The following CTNNA2 variants were observed in gnomAD, a reference collection of about 807,000 sequenced individuals.
CTNNA2 encodes catenin alpha 2, also known as catenin alpha-2.
Under a neutral mutation model 101.0 loss-of-function variants are expected in CTNNA2, and 42 were observed. The observed-to-expected ratio is 0.42, with a 90% confidence interval of 0.32 to 0.54. The LOEUF is 0.54. Among genes scored for constraint, CTNNA2 ranks in the 20% least tolerant of loss-of-function variants. CTNNA2 has a pLI of 0.14. For synonymous variants in CTNNA2, 450 were observed against 456.4 expected, an observed-to-expected ratio of 0.99 and a Z score of 0.18; for missense variants, 871 against 1,223.1, an observed-to-expected ratio of 0.71 and a Z score of 4.29.
rs980438443 is a variant in CTNNA2, at chr2:79,813,824, A to G, written c.299-44189A>G. On this transcript the variant is annotated intron_variant, in intron 3 of 18. Coordinates refer to ENST00000402739, the MANE Select transcript of CTNNA2 (RefSeq NM_001282597.3). ...TTAGTTTCCTAGAGTTTGCATGACA[A>G]TGATATAAATGGGATACTTTAAAAC... Among the ~76,000 whole-genome samples, 7 of 152,312 alleles carry G rather than the reference A, an allele frequency of 4.6e-5. 1 individual carries two copies. The highest frequency in any genetic ancestry group is 6.8e-3 in the Middle Eastern group (2 of 294).
chr2:80,129,753 T>A (rs1353313504), intron 7 of CTNNA2, among the ~76,000 whole-genome samples: 1 of 152,158 alleles, frequency 6.6e-6, no homozygotes, highest in Non-Finnish European at 1.5e-5. Flanking sequence ...AAATCACTTG[T>A]TCTGATCCAC....
chr2:79,188,668 T>C (rs1279146761), intron 1 of CTNNA2, among the ~76,000 whole-genome samples: 4 of 152,092 alleles, frequency 2.6e-5, no homozygotes, highest in African/African-American at 9.7e-5. Context: ...AGAGGACAGG[T>C]TGAATTCACA....
intron 2 of CTNNA2, among the ~76,000 whole-genome samples, chr2:79,231,242 G>A (rs1674488061): frequency 6.6e-6 from 1 of 152,168 alleles, no homozygotes; most frequent in Admixed American, 6.5e-5. Flanking sequence ...CACAAGTTGT[G>A]GGAGAGACCC....
At chr2:79,689,083 C>G (rs899066748) in intron 2 of CTNNA2, among the ~76,000 whole-genome samples, 6 of 151,252 alleles carry the variant, frequency 4.0e-5, no homozygotes, top group African/African-American at 1.5e-4. Context: ...AAGACATCAT[C>G]CCAAATACAA....
chr2:79,375,791 G>T (rs1346623303), intron 4 of CTNNA2, among the ~76,000 whole-genome samples: 2 of 152,126 alleles, frequency 1.3e-5, no homozygotes, highest in Admixed American at 6.6e-5. Context: ...ACATGCCGGT[G>T]CAAAGCCTAC....
intron 4 of CTNNA2, among the ~76,000 whole-genome samples, chr2:79,392,441 C>T (rs534774506): frequency 1.2e-4 from 19 of 152,190 alleles, no homozygotes; most frequent in African/African-American, 3.6e-4. Context: ...CTCTGAAATC[C>T]ATGGTTACTA....
At chr2:80,004,908 G>C (rs10195985) in intron 7 of CTNNA2, among the ~76,000 whole-genome samples, 1,756 of 152,170 alleles carry the variant, frequency 0.012, 33 homozygotes, top group African/African-American at 0.04. Context: ...TCACCATGTT[G>C]GCCAGGCTGG....
At chr2:80,341,541 A>G (rs1672247050) in intron 7 of CTNNA2, among the ~76,000 whole-genome samples, 1 of 152,216 alleles carries the variant, frequency 6.6e-6, no homozygotes, top group African/African-American at 2.4e-5. Flanking sequence ...GGGAAATGCA[A>G]ATCAAAACCA....
intron 7 of CTNNA2, among the ~76,000 whole-genome samples, chr2:80,052,336 C>T (rs1419930643): frequency 6.6e-6 from 1 of 152,188 alleles, no homozygotes; most frequent in Non-Finnish European, 1.5e-5. Flanking sequence ...CATTAGAACA[C>T]ATGGCTTGCC....
intron 1 of CTNNA2, among the ~76,000 whole-genome samples, chr2:79,518,044 A>G (rs1369117691): frequency 6.6e-6 from 1 of 152,166 alleles, no homozygotes; most frequent in African/African-American, 2.4e-5. Context: ...TATCTGTTCA[A>G]TTAGGGGTTT....
intron 7 of CTNNA2, among the ~76,000 whole-genome samples, chr2:80,015,172 TG>T (rs1238103927): frequency 6.6e-6 from 1 of 152,220 alleles, no homozygotes; most frequent in Non-Finnish European, 1.5e-5. Context: ...CATCTTTTAC[TG>T]CTTGAATTTC....
At chr2:79,291,451 G>A (rs1161427420) in intron 2 of CTNNA2, among the ~76,000 whole-genome samples, 1 of 152,134 alleles carries the variant, frequency 6.6e-6, no homozygotes, top group African/African-American at 2.4e-5. Context: ...TCCTGCTGAG[G>A]TATAACAGAT....
chr2:80,032,679 C>A (rs1285747142), intron 7 of CTNNA2, among the ~76,000 whole-genome samples: 1 of 152,082 alleles, frequency 6.6e-6, no homozygotes, highest in Non-Finnish European at 1.5e-5. Context: ...TCAATTGCTT[C>A]TATAAAATAG....
At chr2:79,748,466 T>A (rs937485237) in intron 3 of CTNNA2, among the ~76,000 whole-genome samples, 3 of 152,210 alleles carry the variant, frequency 2.0e-5, no homozygotes, top group African/African-American at 7.2e-5. Flanking sequence ...TGATATGTTG[T>A]GGGAATGAAA....
chr2:80,600,502 G>A (rs1304900305), intron 15 of CTNNA2, among the ~76,000 whole-genome samples: 1 of 151,922 alleles, frequency 6.6e-6, no homozygotes, highest in African/African-American at 2.4e-5. Flanking sequence ...AAGCAATTTA[G>A]AAAGAGTCAA....
At chr2:80,389,569 T>C (rs1373297127) in intron 7 of CTNNA2, among the ~76,000 whole-genome samples, 1 of 152,188 alleles carries the variant, frequency 6.6e-6, no homozygotes, top group Admixed American at 6.5e-5. Flanking sequence ...AACTGATGAA[T>C]TTAAAATTAT....
intron 7 of CTNNA2, among the ~76,000 whole-genome samples, chr2:80,358,083 A>T (rs938910107): frequency 7.9e-5 from 12 of 152,176 alleles, no homozygotes; most frequent in African/African-American, 2.9e-4. Context: ...AAACGTCTAT[A>T]GCCTTTTTGT....
rs375576653 is a variant in CTNNA2 at position 80,136,843 on chromosome 2, G to T, written c.1056+227046G>T. On this transcript the variant is annotated intron_variant, in intron 7 of 18. Transcript: ENST00000402739. ...TAGTGTAATTGGCTTTATTGCCTCT[G>T]CCCAACCTCTTTACTGGACAGAAGG... 3.9e-5 allele frequency among the ~76,000 whole-genome samples: 6 copies of T among 152,222 alleles called. No homozygotes were observed. The South Asian group carries it at 1.2e-3, about 32-fold the overall frequency.
chr2:79,885,239 A>T (rs1683765439), intron 6 of CTNNA2, among the ~76,000 whole-genome samples: 1 of 152,102 alleles, frequency 6.6e-6, no homozygotes, highest in South Asian at 2.1e-4. Context: ...CAAATATAAG[A>T]CCTAGGAGAT....
Sources: gnomAD v4.1 joint callset for allele counts (sites outside exome capture counted in the v4.1 genomes callset) on GRCh38, gnomAD v4.1.1 for gene constraint, MANE v1.5 for transcripts, NCBI Gene and HGNC (gene_info 2026-07-23, HGNC 2026-07-21) for gene names.